ADRA1D: variants seen among roughly 807,000 people sequenced by gnomAD.
ADRA1D encodes alpha-1D adrenergic receptor.
ADRA1D carries 22 observed loss-of-function variants against 18.6 expected under a neutral mutation model. That is an observed-to-expected ratio of 1.19 (90% CI 0.85 to 1.69). ADRA1D has a LOEUF of 1.69. Ranked by LOEUF, ADRA1D falls within the 40% of genes most tolerant of loss-of-function variation. The probability of loss-of-function intolerance (pLI) is 0.00; values close to 1 mark genes in which losing one functional copy is unlikely to be tolerated. For missense variants in ADRA1D, 840 were observed against 840.7 expected (o/e 1.00, Z 0.01); for synonymous variants, 376 against 388.2 (o/e 0.97, Z 0.37).
chr20:4,237,488 C>T (rs1981120788), intron 1 of ADRA1D, among the ~76,000 whole-genome samples: 1 of 150,378 alleles, frequency 6.6e-6, no homozygotes, highest in Admixed American at 6.6e-5. Flanking sequence ...AGAAAAAGAG[C>T]CCTCTGAATG....
rs376081989 is a variant in ADRA1D at position 4,247,826 on chromosome 20, G to C, written c.1111+21C>G. 2.0e-4 allele frequency: 299 copies of C among 1,498,434 alleles called. No individual in the cohort carries two copies. The African/African-American group carries it at 3.8e-3, about 19-fold the overall frequency. 92.8% of individuals were successfully genotyped at this position (1,498,434 alleles called of 1,614,324 possible). A position where few individuals can be genotyped will look rare whatever the true frequency, so the allele number is the denominator to read the frequency against. Reference sequence around the variant, plus strand: ...AGGCTCAGGGAGAACAGGAGGGGCCGGTGGGAGAGGGGTCACTCACCGAGC... The same window carrying C: ...AGGCTCAGGGAGAACAGGAGGGGCCCGTGGGAGAGGGGTCACTCACCGAGC... On this transcript the variant is annotated intron_variant, in intron 1 of 1. Transcript: ENST00000379453.
At chr20:4,243,565 C>T (rs1014216646) in intron 1 of ADRA1D, among the ~76,000 whole-genome samples, 6 of 152,154 alleles carry the variant, frequency 3.9e-5, no homozygotes, top group African/African-American at 1.4e-4. Flanking sequence ...AAGGGGAGCA[C>T]TACTAGCTAT....
Position 4,247,943 on chromosome 20 carries a change from T to C in ADRA1D, c.1015A>G (p.Lys339Glu), listed in dbSNP as rs1241513659. Reference sequence around the variant, plus strand: ...GCCGCTTTCTTCTCACGGGAGAACTTGAGCAGGCGCACGGAGAGCGAGCTG... The same window carrying C: ...GCCGCTTTCTTCTCACGGGAGAACTCGAGCAGGCGCACGGAGAGCGAGCTG... ...FRSSLSVRLL[K>E]FSREKKAAKT... Residue 339 changes from lysine to glutamate, a missense_variant, in exon 1 of 2, where the codon AAG becomes GAG. By Grantham distance (56) the Lys-to-Glu change is moderately conservative (BLOSUM62 1). Transcript: ENST00000379453. The C allele has an allele frequency of 1.1e-5, 18 of 1,601,532 alleles. No homozygotes were observed. Among genetic ancestry groups the C allele is most frequent in the Non-Finnish European group, 1.5e-5 (18 of 1,174,450 alleles).
At chr20:4,242,158 C>G (rs1261687112) in intron 1 of ADRA1D, among the ~76,000 whole-genome samples, 2 of 152,238 alleles carry the variant, frequency 1.3e-5, no homozygotes, top group Non-Finnish European at 2.9e-5. Context: ...TACACAGAAT[C>G]AAAAGGTGTG....
intron 1 of ADRA1D, among the ~76,000 whole-genome samples, chr20:4,231,038 T>TTCTTTCTTTCTTTCTTTCTTTC (rs71332805): frequency 9.2e-6 from 1 of 108,526 alleles, no homozygotes. Flanking sequence ...CTTTCTTTCT[T>TTCTTTCTTTCTTTCTTTCTTTC]TTTCTTTCTT....
At chr20:4,231,078 CTCTCT>C (rs1568764715) in intron 1 of ADRA1D, among the ~76,000 whole-genome samples, 49 of 83,732 alleles carry the variant, frequency 5.9e-4, no homozygotes, top group African/African-American at 2.5e-3. Flanking sequence ...CTCTCTCTCT[CTCTCT>C]TTTCTTTTCT....
chr20:4,224,542 G>C (rs920070194), intron 1 of ADRA1D, among the ~76,000 whole-genome samples: 6 of 152,064 alleles, frequency 3.9e-5, no homozygotes, highest in Non-Finnish European at 8.8e-5. Context: ...AGAAAGCAGG[G>C]GGCCAGGGGT....
Position 4,221,651 on chromosome 20 carries a change from C to T in ADRA1D, c.1591G>A (p.Ala531Thr). The change falls in exon 2 of 2, where the codon GCA (alanine) becomes ACA (threonine). Residue 531 changes from alanine to threonine, a missense_variant. Coordinates refer to ENST00000379453, the MANE Select transcript of ADRA1D (RefSeq NM_000678.4). Reference protein sequence around the residue: ...IRAGGAQRAEAACAQRSEVEA... With the variant: ...IRAGGAQRAETACAQRSEVEA... ...ACCTCTGAGCGCTGGGCGCACGCTG[C>T]CTCTGCGCGCTGCGCGCCCCCGGCG... 1 of 1,612,972 alleles carries T rather than the reference C, an allele frequency of 6.2e-7. No homozygotes were observed. The highest frequency in any genetic ancestry group is 8.5e-7 in the Non-Finnish European group (1 of 1,179,628).
intron 1 of ADRA1D, among the ~76,000 whole-genome samples, chr20:4,231,313 C>A (rs1273654761): frequency 8.0e-6 from 1 of 125,464 alleles, no homozygotes; most frequent in African/African-American, 2.9e-5. Flanking sequence ...AAGACAGGGT[C>A]TTGCTCTGTT....
chr20:4,221,725 G>A lies in ADRA1D; in HGVS notation c.1517C>T (p.Pro506Leu). The change falls in exon 2 of 2, where the codon CCC becomes CTC. Residue 506 changes from proline to leucine, a missense_variant. Physicochemically the swap from Pro to Leu is moderately conservative, Grantham distance 98. Coordinates refer to ENST00000379453, the MANE Select transcript of ADRA1D (RefSeq NM_000678.4). ...GACTTTGGCGCGCAGCTGGGTCGTG[G>A]GTCTCCGGAACGGCCCCAGCAGCCT... ...EWRLLGPFRR[P>L]TTQLRAKVSS... 6.2e-7 allele frequency: 1 copy of A among 1,607,692 alleles called. No homozygotes were observed. The highest frequency in any genetic ancestry group is 8.5e-7 in the Non-Finnish European group (1 of 1,178,764).
intron 1 of ADRA1D, among the ~76,000 whole-genome samples, chr20:4,236,546 G>A (rs998088837): frequency 1.3e-5 from 2 of 152,150 alleles, no homozygotes; most frequent in Non-Finnish European, 1.5e-5. Flanking sequence ...CAGGCTCGAG[G>A]GCAGAAGCAG....
chr20:4,237,976 A>C (rs1411167294), intron 1 of ADRA1D, among the ~76,000 whole-genome samples: 1 of 148,334 alleles, frequency 6.7e-6, no homozygotes, highest in Admixed American at 6.7e-5. Context: ...GGCTGGGTGC[A>C]GTGGCTCAAA....
At chr20:4,231,064 TTCTCTC>T (rs1168769579) in intron 1 of ADRA1D, among the ~76,000 whole-genome samples, 4 of 97,924 alleles carry the variant, frequency 4.1e-5, no homozygotes. Flanking sequence ...CTTTCTTTCT[TTCTCTC>T]TCTCTCTCTC....
At position 4,248,335 on chromosome 20, in the gene ADRA1D, A is replaced by AT; in HGVS notation, c.622dup (p.Met208AsnfsTer35). ...GATGGCGGCCGCCTTGCGCTCGGTC[A>AT]TGATGGCTGGGTACTTGAGTGAGTG... On this transcript the variant is annotated frameshift_variant, in exon 1 of 2. Transcript: ENST00000379453. LOFTEE classifies it high-confidence loss of function. 1 of 1,606,138 alleles carries AT rather than the reference A, an allele frequency of 6.2e-7. No homozygotes were observed. The highest frequency in any genetic ancestry group is 8.5e-7 in the Non-Finnish European group (1 of 1,176,588).
Position 4,221,619 on chromosome 20 carries a change from A to G in ADRA1D, c.1623T>C (p.Ala541=). 2.5e-6 allele frequency: 4 copies of G among 1,613,510 alleles called. No homozygotes were observed. The highest frequency in any genetic ancestry group is 2.5e-6 in the Non-Finnish European group (3 of 1,179,828). Residue 541 remains alanine (A), a synonymous_variant, in exon 2 of 2, where the codon GCT becomes GCC. Transcript: ENST00000379453. ...AACAQRSEVE[A]VSLGVPHEVA... ...CCTCGTGTGGGACGCCTAGGGACAC[A>G]GCCTCCACCTCTGAGCGCTGGGCGC... is the stretch of plus-strand genomic sequence containing the variant.
chr20:4,247,867 A>G lies in ADRA1D; in HGVS notation c.1091T>C (p.Phe364Ser). ...VGVFVLCWFP[F>S]FFVLPLGSLF... ...CTCACCGAGCGGCAGGACAAAGAAGAAAGGGAACCAGCAGAGCACGAAGAC... is the reference window on the plus strand; with the variant it reads ...CTCACCGAGCGGCAGGACAAAGAAGGAAGGGAACCAGCAGAGCACGAAGAC... Residue 364 changes from phenylalanine to serine, a missense_variant, in exon 1 of 2, where the codon TTC becomes TCC. Phe to Ser is a radical substitution (Grantham distance 155). Coordinates refer to ENST00000379453, the MANE Select transcript of ADRA1D (RefSeq NM_000678.4). 1.3e-6 allele frequency: 2 copies of G among 1,565,590 alleles called. No individual in the cohort carries two copies. Among genetic ancestry groups the G allele is most frequent in the Non-Finnish European group, 1.7e-6 (2 of 1,157,378 alleles).
chr20:4,230,365 T>G (rs1426267981), intron 1 of ADRA1D, among the ~76,000 whole-genome samples: 1 of 152,204 alleles, frequency 6.6e-6, no homozygotes, highest in African/African-American at 2.4e-5. Context: ...TGCATAACAC[T>G]TGCTGAGTTT....
rs1980706144 is a variant in ADRA1D, at chr20:4,222,871, G to A, written c.1112-741C>T. On this transcript the variant is annotated intron_variant, in intron 1 of 1. Coordinates refer to ENST00000379453, the MANE Select transcript of ADRA1D (RefSeq NM_000678.4). This position sits in a 1 kb window ranked among gnomAD's most constrained non-coding sequence, Gnocchi z 4.3. ...CTAATATAACCTCTCTGAAGGGCTG[G>A]GCTACAGGGCTTAGTCTATAGTCCT... 6.6e-6 allele frequency among the ~76,000 whole-genome samples: 1 copy of A among 152,092 alleles called. No homozygotes were observed. Among genetic ancestry groups the A allele is most frequent in the Non-Finnish European group, 1.5e-5 (1 of 68,012 alleles).
At chr20:4,223,270 G>A (rs186405230) in intron 1 of ADRA1D, among the ~76,000 whole-genome samples, 34 of 152,276 alleles carry the variant, frequency 2.2e-4, no homozygotes, top group East Asian at 1.3e-3. Context: ...AGCAAGTCAC[G>A]CATTTCCTGT....
Sources: gnomAD v4.1 joint callset for allele counts (sites outside exome capture counted in the v4.1 genomes callset) on GRCh38, gnomAD v4.1.1 for gene constraint, Gnocchi (gnomAD v3.1) non-coding constraint, MANE v1.5 for transcripts, NCBI Gene and HGNC (gene_info 2026-07-23, HGNC 2026-07-21) for gene names.